INPP4B: variants seen among roughly 807,000 people sequenced by gnomAD.
INPP4B encodes inositol polyphosphate-4-phosphatase type II B.
In INPP4B, 55 loss-of-function variants were observed where a neutral mutation model predicts 122.5. The observed-to-expected ratio is 0.45, with a 90% CI of 0.36 to 0.56. The LOEUF (loss-of-function observed/expected upper bound fraction) is 0.56, where lower values mean the gene tolerates loss of function less well. INPP4B is among the 20% of genes least tolerant of loss of function. The probability of loss-of-function intolerance (pLI) is 0.00; values close to 1 mark genes in which losing one functional copy is unlikely to be tolerated. For missense variants in INPP4B, 1,000 were observed against 1,097.7 expected (o/e 0.91, Z 1.26); for synonymous variants, 403 against 388.7 (o/e 1.04, Z -0.43).
chr4:142,692,533 C>A (rs1760339559), intron 2 of INPP4B, among the ~76,000 whole-genome samples: 1 of 152,156 alleles, frequency 6.6e-6, no homozygotes, highest in African/African-American at 2.4e-5. Context: ...AGACCCCCAT[C>A]TTTTATTCTA....
chr4:142,843,463 C>G (rs545033753), intron 1 of INPP4B, among the ~76,000 whole-genome samples: 6 of 151,918 alleles, frequency 3.9e-5, no homozygotes, highest in African/African-American at 1.2e-4. Context: ...GTACATAATA[C>G]AGAAGAGACT....
chr4:142,044,857 C>T (rs1263717162), intron 25 of INPP4B, among the ~76,000 whole-genome samples: 5 of 152,056 alleles, frequency 3.3e-5, no homozygotes, highest in African/African-American at 1.2e-4. Flanking sequence ...AGTCAGAGTC[C>T]ACAACCACAA....
At chr4:142,228,359 A>G (rs1037992841) in intron 12 of INPP4B, among the ~76,000 whole-genome samples, 1 of 152,136 alleles carries the variant, frequency 6.6e-6, no homozygotes, top group African/African-American at 2.4e-5. Context: ...TATAGGAACA[A>G]AACTATAAAA....
chr4:142,698,222 A>AT (rs1761268969), intron 2 of INPP4B, among the ~76,000 whole-genome samples: 2 of 152,008 alleles, frequency 1.3e-5, no homozygotes, highest in South Asian at 4.1e-4. Context: ...GTTATAAACA[A>AT]TTTTTTTCTG....
chr4:142,092,790 C>A (rs1293932609), intron 23 of INPP4B, among the ~76,000 whole-genome samples: 1 of 152,132 alleles, frequency 6.6e-6, no homozygotes, highest in East Asian at 1.9e-4. Flanking sequence ...CATTGACCAG[C>A]CACAGTACAA....
intron 12 of INPP4B, among the ~76,000 whole-genome samples, chr4:142,225,472 AT>A (rs914085446): frequency 2.3e-4 from 35 of 151,142 alleles, no homozygotes; most frequent in African/African-American, 7.7e-4. Context: ...ATATATACAT[AT>A]TCCTATTAGT....
intron 2 of INPP4B, among the ~76,000 whole-genome samples, chr4:142,622,123 G>A (rs1439122963): frequency 6.6e-6 from 1 of 151,918 alleles, no homozygotes; most frequent in African/African-American, 2.4e-5. Context: ...ATTAATGGTT[G>A]CTGCTGTAAC....
At chr4:142,672,758 C>T (rs1433577598) in intron 2 of INPP4B, among the ~76,000 whole-genome samples, 1 of 152,018 alleles carries the variant, frequency 6.6e-6, no homozygotes, top group East Asian at 1.9e-4. Context: ...GTCTAATTTA[C>T]AATTTTTATG....
At chr4:142,651,835 C>G (rs530566879) in intron 2 of INPP4B, among the ~76,000 whole-genome samples, 16 of 152,286 alleles carry the variant, frequency 1.1e-4, no homozygotes, top group African/African-American at 3.9e-4. Flanking sequence ...CTATTCTAAT[C>G]AACAGAAAAA....
At chr4:142,042,193 T>A (rs1748096211) in intron 25 of INPP4B, among the ~76,000 whole-genome samples, 1 of 152,178 alleles carries the variant, frequency 6.6e-6, no homozygotes, top group Non-Finnish European at 1.5e-5. Context: ...CACTAACTCC[T>A]AATATATCCA....
chr4:142,644,292 A>T (rs1254555204), intron 2 of INPP4B, among the ~76,000 whole-genome samples: 1 of 150,396 alleles, frequency 6.6e-6, no homozygotes, highest in Non-Finnish European at 1.5e-5. Flanking sequence ...GAGGAGGAGA[A>T]GGAAGAGGAG....
Position 142,160,375 on chromosome 4 carries a change from A to G in INPP4B, c.1546T>C (p.Tyr516His). The G allele has an allele frequency of 1.3e-6, 2 of 1,546,502 alleles. No homozygotes were observed. The highest frequency in any genetic ancestry group is 1.8e-6 in the Non-Finnish European group (2 of 1,134,064). ...GQDSIPHHSD[Y>H]DEEEWDRVWA... ...AGACTTACCCACTCTTCCTCATCAT[A>G]GTCTGAATGATGTGGTATGGAGTCC... Residue 516 changes from tyrosine to histidine, a missense_variant, in exon 17 of 26, where the codon TAT (tyrosine) becomes CAT (histidine). Tyr to His is a moderately conservative substitution (Grantham distance 83). Coordinates refer to ENST00000262992, the MANE Select transcript of INPP4B (RefSeq NM_001101669.3).
chr4:142,170,379 G>C (rs1476524994), intron 16 of INPP4B, among the ~76,000 whole-genome samples: 1 of 151,620 alleles, frequency 6.6e-6, no homozygotes, highest in African/African-American at 2.4e-5. Flanking sequence ...ATTGATTTTT[G>C]TGAAATTTTA....
chr4:142,343,389 A>G (rs1175326165), intron 7 of INPP4B, among the ~76,000 whole-genome samples: 1 of 151,980 alleles, frequency 6.6e-6, no homozygotes, highest in Non-Finnish European at 1.5e-5. Flanking sequence ...TTCTCTAGAG[A>G]TGAAGGAGTA....
At chr4:142,195,151 G>A (rs1031495333) in intron 14 of INPP4B, among the ~76,000 whole-genome samples, 5 of 152,272 alleles carry the variant, frequency 3.3e-5, no homozygotes, top group South Asian at 2.1e-4. Flanking sequence ...GCAACAAAAC[G>A]AATGAGCCTG....
chr4:142,619,182 TA>T (rs879322525), intron 2 of INPP4B, among the ~76,000 whole-genome samples: 455 of 146,918 alleles, frequency 3.1e-3, no homozygotes, highest in African/African-American at 9.3e-3. Flanking sequence ...TGGAGATTCC[TA>T]AAAAAAAAAA....
intron 14 of INPP4B, among the ~76,000 whole-genome samples, chr4:142,207,380 G>A (rs1396475299): frequency 1.3e-5 from 2 of 152,080 alleles, no homozygotes; most frequent in Admixed American, 6.6e-5. Context: ...TTTTACCATA[G>A]TGGCTATACC....
rs190301428 is a variant in INPP4B, at chr4:142,126,121, C to T, written c.1721-1361G>A. 3.2e-3 allele frequency among the ~76,000 whole-genome samples: 487 copies of T among 152,096 alleles called. 3 individuals carry two copies. The highest frequency in any genetic ancestry group is 0.011 in the African/African-American group (456 of 41,498). On this transcript the variant is annotated intron_variant, in intron 18 of 25. Coordinates refer to ENST00000262992, the MANE Select transcript of INPP4B (RefSeq NM_001101669.3). ...GTTTCAGTTAATTTGGAGATCAAAG[C>T]CCTGGCAAATGTTAACTATCATAAA...
In INPP4B at chr4:142,725,914, A is replaced by C. The variant is rs1326945115; in HGVS notation, c.-253-13T>G. The C allele has an allele frequency of 6.3e-5, 25 of 397,850 alleles. No homozygotes were observed. Among genetic ancestry groups the C allele is most frequent in the Admixed American group, 4.4e-5 (1 of 22,708 alleles). The allele number at this position is 397,850 out of a possible 1,614,324, so 24.6% of individuals were successfully genotyped here. A position where few individuals can be genotyped will look rare whatever the true frequency, so the allele number is the denominator to read the frequency against. On this transcript the variant is annotated splice_polypyrimidine_tract_variant and intron_variant, in intron 1 of 25. Coordinates refer to ENST00000262992, the MANE Select transcript of INPP4B (RefSeq NM_001101669.3). ...ATTTCTTTGTATTCTACGGGAAAAG[A>C]GAAAGAAGATTAATAAAAACAACCT...
Sources: allele counts gnomAD v4.1 joint callset (sites outside exome capture counted in the v4.1 genomes callset), GRCh38; gene constraint gnomAD v4.1.1; transcripts MANE v1.5; gene names NCBI Gene and HGNC (gene_info 2026-07-23, HGNC 2026-07-21).